Variants in CD2AP observed in about 807,000 individuals in gnomAD.
The protein encoded by CD2AP is CD2 associated protein, also known as CD2-associated protein.
Under a neutral mutation model 85.1 loss-of-function variants are expected in CD2AP, and 46 were observed. That is an observed-to-expected ratio of 0.54 (90% confidence interval 0.43 to 0.69). CD2AP has a LOEUF of 0.69. Among genes scored for constraint, CD2AP ranks in the 30% least tolerant of loss-of-function variants. CD2AP has a pLI of 0.00. For missense variants in CD2AP, 769 were observed against 729.5 expected, an observed-to-expected ratio of 1.05 and a Z score of -0.62; for synonymous variants, 255 against 252.9, an observed-to-expected ratio of 1.01 and a Z score of -0.08.
chr6:47,593,047 G>T (rs1768845262), intron 11 of CD2AP, among the ~76,000 whole-genome samples: 1 of 152,100 alleles, frequency 6.6e-6, no homozygotes, highest in African/African-American at 2.4e-5. Context: ...TAACTTGTGG[G>T]ATCTGATGCT....
At chr6:47,594,381 C>T (rs1768881162) in intron 11 of CD2AP, among the ~76,000 whole-genome samples, 2 of 151,956 alleles carry the variant, frequency 1.3e-5, no homozygotes. Flanking sequence ...ATGGACATAA[C>T]CAGGAATGAT....
At chr6:47,602,285 G>T (rs1414477777) in intron 13 of CD2AP, among the ~76,000 whole-genome samples, 1 of 151,542 alleles carries the variant, frequency 6.6e-6, no homozygotes, top group South Asian at 2.1e-4. Flanking sequence ...CATATATAAT[G>T]TAGTTTTATA....
chr6:47,538,783 CTTTG>C (rs1767122473), intron 3 of CD2AP, among the ~76,000 whole-genome samples: 1 of 152,092 alleles, frequency 6.6e-6, no homozygotes, highest in Non-Finnish European at 1.5e-5. Context: ...AATTTAAGAG[CTTTG>C]TTTGATCTGA....
In CD2AP at chr6:47,554,671, C is replaced by A. The variant is rs2114062476; in HGVS notation, c.446C>A (p.Thr149Asn). 1 of 1,613,572 alleles carries A rather than the reference C, an allele frequency of 6.2e-7. No homozygotes were observed. The highest frequency in any genetic ancestry group is 1.1e-5 in the South Asian group (1 of 91,060). The change falls in exon 5 of 18, where the codon ACC becomes AAC. Residue 149 changes from threonine (T) to asparagine (N), a missense_variant. Coordinates refer to ENST00000359314, the MANE Select transcript of CD2AP (RefSeq NM_012120.3). ...GTAGAAGAAGGCTGGTGGAGTGGAA[C>A]CCTGAATAACAAGTTGGGACTGTTT... is the stretch of plus-strand genomic sequence containing the variant. ...EEVEEGWWSG[T>N]LNNKLGLFPS... is the part of the protein sequence containing the mutation.
At chr6:47,550,082 T>A (rs938623566) in intron 4 of CD2AP, among the ~76,000 whole-genome samples, 27 of 152,094 alleles carry the variant, frequency 1.8e-4, no homozygotes, top group African/African-American at 6.5e-4. Context: ...AGGACTTAAA[T>A]CTAAGACCTG....
intron 12 of CD2AP, among the ~76,000 whole-genome samples, chr6:47,597,152 A>C (rs1187258862): frequency 6.6e-6 from 1 of 150,454 alleles, no homozygotes; most frequent in Non-Finnish European, 1.5e-5. Context: ...CACTTGGGGG[A>C]ATTATAGTAC....
At chr6:47,558,383 A>G (rs144090150) in intron 5 of CD2AP, among the ~76,000 whole-genome samples, 116 of 152,262 alleles carry the variant, frequency 7.6e-4, no homozygotes, top group Non-Finnish European at 1.5e-3. Context: ...ATGAGAGAGG[A>G]CATCCTTGTC....
At chr6:47,537,792 G>A (rs1211732339) in intron 3 of CD2AP, among the ~76,000 whole-genome samples, 2 of 151,762 alleles carry the variant, frequency 1.3e-5, no homozygotes, top group Non-Finnish European at 2.9e-5. Flanking sequence ...TGCTAAGGAT[G>A]AGAATTTTTT....
chr6:47,518,657 A>G (rs1766510957), intron 2 of CD2AP, among the ~76,000 whole-genome samples: 1 of 152,220 alleles, frequency 6.6e-6, no homozygotes, highest in Admixed American at 6.5e-5. Flanking sequence ...CTTTTGAGTA[A>G]TACTTGGGAG....
chr6:47,608,993 A>G, intron 15 of CD2AP, 130 bp from the exon 16 acceptor site: 1 of 628,804 alleles, frequency 1.6e-6, no homozygotes, highest in Non-Finnish European at 2.7e-6. Flanking sequence ...GTGAACATCA[A>G]ATTGCTTTTG....
chr6:47,570,829 C>G (rs931773471), intron 5 of CD2AP, among the ~76,000 whole-genome samples: 2 of 152,074 alleles, frequency 1.3e-5, no homozygotes, highest in Non-Finnish European at 2.9e-5. Flanking sequence ...TATACTTTAC[C>G]GCTATACCAT....
chr6:47,556,124 T>C (rs1383966300), intron 5 of CD2AP, among the ~76,000 whole-genome samples: 1 of 151,064 alleles, frequency 6.6e-6, no homozygotes, highest in African/African-American at 2.4e-5. Flanking sequence ...GTTTGTTACA[T>C]AGGTATACAT....
chr6:47,579,538 C>A, intron 9 of CD2AP, 49 bp downstream of exon 9: 1 of 1,220,252 alleles, frequency 8.2e-7, no homozygotes, highest in Non-Finnish European at 1.2e-6. Context: ...AACATTTTGC[C>A]ACTATTCTTT....
intron 2 of CD2AP, among the ~76,000 whole-genome samples, chr6:47,532,617 C>T (rs1766918531): frequency 6.6e-6 from 1 of 151,954 alleles, no homozygotes; most frequent in Non-Finnish European, 1.5e-5. Flanking sequence ...TTTATCAGTA[C>T]TGTCTTTATG....
chr6:47,577,039 A>C lies in CD2AP; in HGVS notation c.839A>C (p.Tyr280Ser). The C allele has an allele frequency of 6.6e-7, 1 of 1,522,334 alleles. No individual in the cohort carries two copies. Among genetic ancestry groups the C allele is most frequent in the Non-Finnish European group, 9.1e-7 (1 of 1,096,628 alleles). The allele number at this position is 1,522,334 out of a possible 1,614,324, so 94.3% of individuals were successfully genotyped here. ...GAATATTGTAGAACATTATTTGCCT[A>C]TGAAGGTACTAATGAAGATGAACTT... ...AKEYCRTLFA[Y>S]EGTNEDELTF... The change falls in exon 8 of 18, where the codon TAT becomes TCT. Residue 280 changes from tyrosine (Y) to serine (S), a missense_variant. By Grantham distance (144) the Tyr-to-Ser change is moderately radical (BLOSUM62 -2). Coordinates refer to ENST00000359314, the MANE Select transcript of CD2AP (RefSeq NM_012120.3).
chr6:47,545,863 T>G (rs1767352541), intron 4 of CD2AP, among the ~76,000 whole-genome samples: 1 of 151,852 alleles, frequency 6.6e-6, no homozygotes, highest in African/African-American at 2.4e-5. Context: ...TGAACAGCCT[T>G]GAGCCCTACA....
chr6:47,566,536 A>T (rs372069157), intron 5 of CD2AP, among the ~76,000 whole-genome samples: 1 of 151,932 alleles, frequency 6.6e-6, no homozygotes, highest in African/African-American at 2.4e-5. Context: ...TATGCAGAAC[A>T]TGCAGGTTTG....
intron 4 of CD2AP, among the ~76,000 whole-genome samples, chr6:47,551,725 C>T (rs1190659031): frequency 2.6e-5 from 4 of 152,068 alleles, no homozygotes; most frequent in Admixed American, 2.0e-4. Flanking sequence ...GTGTGGGGCC[C>T]TTAGCTGGAA....
At chr6:47,523,287 G>A (rs529952109) in intron 2 of CD2AP, among the ~76,000 whole-genome samples, 37 of 152,200 alleles carry the variant, frequency 2.4e-4, no homozygotes, top group African/African-American at 8.9e-4. Context: ...AATATTAAAT[G>A]GAAGACAAGT....
Sources: gnomAD v4.1 joint callset for allele counts (sites outside exome capture counted in the v4.1 genomes callset) on GRCh38, gnomAD v4.1.1 for gene constraint, MANE v1.5 for transcripts, NCBI Gene and HGNC (gene_info 2026-07-23, HGNC 2026-07-21) for gene names.